The following TENM3 variants were observed in gnomAD, a reference collection of about 807,000 sequenced individuals.
TENM3 encodes teneurin transmembrane protein 3.
A neutral mutation model predicts 255.1 loss-of-function variants in TENM3; 63 were observed. That is an observed-to-expected ratio of 0.25 (90% CI 0.20 to 0.30). The LOEUF (loss-of-function observed/expected upper bound fraction) is 0.30. Ranked by LOEUF, TENM3 falls within the 10% of genes least tolerant of loss-of-function variation. TENM3 has a pLI of 1.00. For missense variants in TENM3, 2,929 were observed against 3,461.1 expected, an observed-to-expected ratio of 0.85 and a Z score of 3.86; for synonymous variants, 1,306 against 1,322.3, an observed-to-expected ratio of 0.99 and a Z score of 0.27.
rs1767004904 is a variant in TENM3, at chr4:182,801,981, G to A, written c.*1630G>A. ...AGTTCATCGAGCTATAGTACACACT[G>A]TTTTCCTCTATGTATAATGGTGATA... On this transcript the variant is annotated 3_prime_UTR_variant, in exon 28 of 28. Transcript: ENST00000511685. 6.6e-6 allele frequency: 1 copy of A among 152,554 alleles called. No homozygotes were observed. The allele number at this position is 152,554 out of a possible 1,614,324, so 9.5% of individuals were successfully genotyped here. A position where few individuals can be genotyped will look rare whatever the true frequency, so the allele number is the denominator to read the frequency against.
At position 182,802,324 on chromosome 4, in the gene TENM3, C is replaced by G. The variant is rs1215298856; in HGVS notation, c.*1973C>G. 2 of 152,580 alleles carry G rather than the reference C, an allele frequency of 1.3e-5. No homozygotes were observed. The highest frequency in any genetic ancestry group is 3.8e-4 in the East Asian group (2 of 5,202). The allele number at this position is 152,580 out of a possible 1,614,324, so 9.5% of individuals were successfully genotyped here. A position where few individuals can be genotyped will look rare whatever the true frequency, so the allele number is the denominator to read the frequency against. On this transcript the variant is annotated 3_prime_UTR_variant, in exon 28 of 28. Coordinates refer to ENST00000511685, the MANE Select transcript of TENM3 (RefSeq NM_001080477.4). ...ATCCTTTGGCAAGTATTATGAAGCC[C>G]AAATTTAGAAAACTATGAGATTTCA...
chr4:182,084,128 G>A, the TENM3 span, among the ~76,000 whole-genome samples: 3 of 151,932 alleles, frequency 2.0e-5, no homozygotes, highest in Admixed American at 6.6e-5. Context: ...TAACATACAC[G>A]CACACACTAA....
chr4:182,531,659 T>C (rs1312193206), intron 3 of TENM3, among the ~76,000 whole-genome samples: 2 of 152,012 alleles, frequency 1.3e-5, no homozygotes, highest in African/African-American at 4.8e-5. Context: ...ACCTCTCCTG[T>C]GTGTGTCTGC....
chr4:182,357,280 G>T (rs368874710), intron 3 of TENM3, among the ~76,000 whole-genome samples: 1 of 151,326 alleles, frequency 6.6e-6, no homozygotes, highest in Non-Finnish European at 1.5e-5. Context: ...CTAGATCCCT[G>T]AGGAATCGCC....
the TENM3 span, among the ~76,000 whole-genome samples, chr4:181,804,810 T>G: frequency 6.6e-6 from 1 of 152,052 alleles, no homozygotes; most frequent in South Asian, 2.1e-4. Context: ...AGGAGTTTGA[T>G]TCCATCCTGG....
chr4:182,102,469 T>C, the TENM3 span, among the ~76,000 whole-genome samples: 9 of 152,218 alleles, frequency 5.9e-5, no homozygotes, highest in African/African-American at 2.2e-4. Context: ...TTTAAGTATT[T>C]GGGATGTCCC....
chr4:181,799,349 A>G, the TENM3 span, among the ~76,000 whole-genome samples: 2 of 152,262 alleles, frequency 1.3e-5, no homozygotes, highest in Non-Finnish European at 2.9e-5. Context: ...GTAGAATATA[A>G]TGTCAAATGC....
chr4:182,771,941 C>T (rs893831266), intron 22 of TENM3, among the ~76,000 whole-genome samples: 7 of 152,238 alleles, frequency 4.6e-5, no homozygotes, highest in South Asian at 4.2e-4. Flanking sequence ...CCGTTCCTGC[C>T]GCTGGCTGAG....
the TENM3 span, among the ~76,000 whole-genome samples, chr4:182,058,230 T>C: frequency 6.6e-6 from 1 of 151,854 alleles, no homozygotes; most frequent in Non-Finnish European, 1.5e-5. Flanking sequence ...TTTGATTTTA[T>C]CTCCACATAG....
Position 182,645,941 on chromosome 4 carries a change from C to A in TENM3, c.989-7830C>A, listed in dbSNP as rs116029790. Among the ~76,000 whole-genome samples, 870 of 152,260 alleles carry A rather than the reference C, an allele frequency of 5.7e-3. 6 individuals are homozygous for A. The highest frequency in any genetic ancestry group is 0.02 in the African/African-American group (840 of 41,552). ...GTGAATACCAGAAGACAGGGCTTAT[C>A]TGGGGCCATCTCAGAGGCTACCTAC... On this transcript the variant is annotated intron_variant, in intron 5 of 27. Transcript: ENST00000511685.
the TENM3 span, among the ~76,000 whole-genome samples, chr4:181,628,492 T>G: frequency 1.3e-5 from 2 of 152,326 alleles, no homozygotes; most frequent in East Asian, 3.9e-4. Flanking sequence ...CCTTAATCCA[T>G]CTTGAATTAA....
At chr4:182,374,827 T>C (rs1479902385) in intron 3 of TENM3, among the ~76,000 whole-genome samples, 4 of 152,192 alleles carry the variant, frequency 2.6e-5, no homozygotes, top group African/African-American at 9.7e-5. Context: ...AGGACAGAAG[T>C]TGCATCAACC....
chr4:182,588,774 C>T (rs1746307548), intron 3 of TENM3, among the ~76,000 whole-genome samples: 1 of 152,120 alleles, frequency 6.6e-6, no homozygotes, highest in East Asian at 1.9e-4. Flanking sequence ...CTAAGAATTT[C>T]ATAGGAAAAA....
intron 1 of TENM3, among the ~76,000 whole-genome samples, chr4:182,262,944 A>G (rs1017483025): frequency 6.6e-6 from 1 of 151,830 alleles, no homozygotes; most frequent in Non-Finnish European, 1.5e-5. Context: ...CGATCTCCTG[A>G]CCTCGTGATC....
intron 5 of TENM3, among the ~76,000 whole-genome samples, chr4:182,630,706 A>G (rs79785972): frequency 0.056 from 8,544 of 152,158 alleles, 335 homozygotes; most frequent in African/African-American, 0.098. Flanking sequence ...CTGGAACTTA[A>G]AAATAAAAAA....
the TENM3 span, among the ~76,000 whole-genome samples, chr4:181,903,748 C>G: frequency 6.6e-6 from 1 of 152,156 alleles, no homozygotes; most frequent in Non-Finnish European, 1.5e-5. Context: ...TTGAATGCAA[C>G]CTGGGGCCCT....
chr4:182,178,040 A>C (rs1361384437), intron 1 of TENM3, among the ~76,000 whole-genome samples: 1 of 147,734 alleles, frequency 6.8e-6, no homozygotes, highest in African/African-American at 2.5e-5. Flanking sequence ...GGATGTATGC[A>C]TCTTCCTAAT....
intron 2 of TENM3, among the ~76,000 whole-genome samples, chr4:182,333,442 T>C (rs1369125125): frequency 6.6e-6 from 1 of 152,188 alleles, no homozygotes; most frequent in Non-Finnish European, 1.5e-5. Flanking sequence ...TGTTCAGAAA[T>C]CTACTAACAT....
chr4:182,029,871 A>C, the TENM3 span, among the ~76,000 whole-genome samples: 1 of 143,636 alleles, frequency 7.0e-6, no homozygotes, highest in Non-Finnish European at 1.5e-5. Context: ...TGGATCATTC[A>C]CAATATCCAA....
Sources: allele counts gnomAD v4.1 joint callset (sites outside exome capture counted in the v4.1 genomes callset), GRCh38; gene constraint gnomAD v4.1.1; transcripts MANE v1.5; gene names NCBI Gene and HGNC (gene_info 2026-07-23, HGNC 2026-07-21).